Variants in WWOX observed in about 807,000 individuals in gnomAD.
WWOX encodes the protein WW domain-containing oxidoreductase.
Under a neutral mutation model 46.2 loss-of-function variants are expected in WWOX, and 69 were observed. The observed-to-expected ratio is 1.49, with a 90% CI of 1.23 to 1.82. The LOEUF (loss-of-function observed/expected upper bound fraction) is 1.82. WWOX is among the 40% of genes most tolerant of loss of function. The pLI is 0.00. For synonymous variants in WWOX, 359 were observed against 202.6 expected (o/e 1.77, Z -6.56); for missense variants, 919 against 542.6 (o/e 1.69, Z -6.89).
intron 8 of WWOX, among the ~76,000 whole-genome samples, chr16:78,641,085 G>C (rs1396048153): frequency 6.6e-6 from 1 of 152,172 alleles, no homozygotes; most frequent in Non-Finnish European, 1.5e-5. Flanking sequence ...TCAAAGCTGA[G>C]AGGAGGGTTT....
intron 8 of WWOX, among the ~76,000 whole-genome samples, chr16:78,690,827 A>T (rs927155072): frequency 6.6e-6 from 1 of 152,210 alleles, no homozygotes; most frequent in Non-Finnish European, 1.5e-5. Flanking sequence ...GTATGTTTCA[A>T]GAGCTCCAGC....
intron 5 of WWOX, among the ~76,000 whole-genome samples, chr16:78,246,730 C>T (rs538965302): frequency 4.4e-4 from 67 of 152,298 alleles, no homozygotes; most frequent in African/African-American, 1.3e-3. Flanking sequence ...CAGTTCCCCC[C>T]GACCATCAGT....
At chr16:78,464,431 C>T (rs571736618) in intron 8 of WWOX, among the ~76,000 whole-genome samples, 20 of 152,242 alleles carry the variant, frequency 1.3e-4, no homozygotes, top group African/African-American at 4.3e-4. Context: ...TGCTCCGTTT[C>T]TAGTAGTCCA....
intron 8 of WWOX, among the ~76,000 whole-genome samples, chr16:78,999,172 C>G (rs2047046560): frequency 6.7e-6 from 1 of 149,384 alleles, no homozygotes; most frequent in South Asian, 2.1e-4. Context: ...ATGGATTCTT[C>G]TAAGGATGGC....
chr16:78,124,479 C>T (rs1035947030), intron 4 of WWOX: 1 of 152,178 alleles, frequency 6.6e-6, no homozygotes, highest in Non-Finnish European at 1.5e-5. Flanking sequence ...CCTCAGCCTT[C>T]TCCAAAATAA....
intron 8 of WWOX, chr16:78,503,834 T>C (rs1223333301): frequency 6.6e-6 from 1 of 152,222 alleles, no homozygotes; most frequent in Non-Finnish European, 1.5e-5. Context: ...TTTTCCTCTC[T>C]AGCAAACAGT....
At chr16:79,147,128 T>G (rs1409539149) in intron 8 of WWOX, among the ~76,000 whole-genome samples, 1 of 152,214 alleles carries the variant, frequency 6.6e-6, no homozygotes. Flanking sequence ...TGTCTACATA[T>G]GTAGTTTTAT....
At chr16:78,257,757 G>C (rs1457853148) in intron 5 of WWOX, among the ~76,000 whole-genome samples, 1 of 152,108 alleles carries the variant, frequency 6.6e-6, no homozygotes, top group East Asian at 1.9e-4. Context: ...CTCATGCTCT[G>C]CTGCTTTGAA....
intron 8 of WWOX, among the ~76,000 whole-genome samples, chr16:78,733,075 C>G (rs983578751): frequency 6.6e-6 from 1 of 152,188 alleles, no homozygotes; most frequent in African/African-American, 2.4e-5. Context: ...CCATGTTCCC[C>G]AAACTTCCGC....
In WWOX at chr16:78,115,080, C is replaced by G; in HGVS notation, c.335C>G (p.Thr112Ser). ...TTRQRYDGST[T>S]AMEILQGRDF... The stretch of plus-strand genomic sequence containing the variant: ...CGGCAAAGATACGACGGCAGCACCA[C>G]TGCCATGGAAATTCTCCAGGGCCGG... Residue 112 changes from threonine (T) to serine (S), a missense_variant, in exon 4 of 9, where the codon ACT becomes AGT. By Grantham distance (58) the Thr-to-Ser change is moderately conservative. Transcript: ENST00000566780. 6.2e-7 allele frequency: 1 copy of G among 1,614,234 alleles called. No individual in the cohort carries two copies. Among genetic ancestry groups the G allele is most frequent in the African/African-American group, 1.3e-5 (1 of 75,058 alleles).
intron 8 of WWOX, among the ~76,000 whole-genome samples, chr16:78,675,870 C>T (rs906721447): frequency 6.6e-6 from 1 of 151,862 alleles, no homozygotes; most frequent in Non-Finnish European, 1.5e-5. Flanking sequence ...TCTGATCATA[C>T]CTGTGGCATA....
intron 6 of WWOX, among the ~76,000 whole-genome samples, chr16:78,399,858 A>G (rs1597166936): frequency 6.6e-6 from 1 of 152,212 alleles, no homozygotes; most frequent in Non-Finnish European, 1.5e-5. Flanking sequence ...TAACATGGGA[A>G]CCATCTTTTC....
At position 78,556,631 on chromosome 16, in the gene WWOX, T is replaced by C. The variant is rs566103070; in HGVS notation, c.1056+123879T>C. 2.5e-3 allele frequency among the ~76,000 whole-genome samples: 385 copies of C among 152,212 alleles called. 4 individuals carry two copies. Among genetic ancestry groups the C allele is most frequent in the African/African-American group, 9.0e-3 (372 of 41,512 alleles). ...ACTGCTGTCTGTGTTTAGGACAGAG[T>C]TCAACCAAACGTACCGGTGTGTGAT... On this transcript the variant is annotated intron_variant, in intron 8 of 8. Transcript: ENST00000566780.
intron 8 of WWOX, among the ~76,000 whole-genome samples, chr16:78,537,914 C>T (rs780137423): frequency 1.4e-4 from 21 of 152,106 alleles, no homozygotes; most frequent in Non-Finnish European, 2.8e-4. Context: ...GTGAGAGCTG[C>T]TTTTCACCTT....
rs146445724 is a variant in WWOX at position 78,731,212 on chromosome 16, T to A, written c.1056+298460T>A. Among the ~76,000 whole-genome samples, 404 of 152,244 alleles carry A rather than the reference T, an allele frequency of 2.7e-3. 2 individuals carry two copies. Among genetic ancestry groups the A allele is most frequent in the Middle Eastern group, 0.017 (5 of 294 alleles). ...CTAATATTTCATTATCTGTATTAAT[T>A]AAAGACAGGGCCTGGTACTTGACAT... On this transcript the variant is annotated intron_variant, in intron 8 of 8. Coordinates refer to ENST00000566780, the MANE Select transcript of WWOX (RefSeq NM_016373.4).
chr16:78,391,617 G>C (rs140041507), intron 6 of WWOX, among the ~76,000 whole-genome samples: 2 of 152,354 alleles, frequency 1.3e-5, no homozygotes, highest in African/African-American at 4.8e-5. Flanking sequence ...GGAGGCCGCA[G>C]TGGGTGGATT....
intron 8 of WWOX, chr16:78,551,559 G>A (rs910277421): frequency 6.6e-6 from 1 of 152,298 alleles, no homozygotes; most frequent in African/African-American, 2.4e-5. Context: ...AGACCTAAAG[G>A]ATTCTGTCTG....
At chr16:78,949,969 C>T (rs187204830) in intron 8 of WWOX, among the ~76,000 whole-genome samples, 3 of 152,330 alleles carry the variant, frequency 2.0e-5, no homozygotes, top group Non-Finnish European at 2.9e-5. Context: ...CATTATTTAA[C>T]CTAGCTATAA....
At chr16:78,558,795 C>T (rs572242858) in intron 8 of WWOX, among the ~76,000 whole-genome samples, 6 of 152,206 alleles carry the variant, frequency 3.9e-5, no homozygotes, top group Admixed American at 3.3e-4. Flanking sequence ...TAGAGTATGC[C>T]TTTTCCTTCA....
Sources: allele counts gnomAD v4.1 joint callset (sites outside exome capture counted in the v4.1 genomes callset), GRCh38; gene constraint gnomAD v4.1.1; transcripts MANE v1.5; gene names NCBI Gene and HGNC (gene_info 2026-07-23, HGNC 2026-07-21).